The following UBL3 variants were observed in gnomAD, a reference collection of about 807,000 sequenced individuals.
UBL3 encodes ubiquitin-like protein 3.
Under a neutral mutation model 18.4 loss-of-function variants are expected in UBL3, and 6 were observed. The observed-to-expected ratio is 0.33, with a 90% CI of 0.18 to 0.64. UBL3 has a LOEUF of 0.64. Ranked by LOEUF, UBL3 falls within the 30% of genes least tolerant of loss-of-function variation. The pLI is 0.76. For missense variants in UBL3, 109 were observed against 142.9 expected (o/e 0.76, Z 1.21); for synonymous variants, 49 against 46.6 (o/e 1.05, Z -0.21).
In UBL3 at chr13:29,809,545, G is replaced by A. The variant is rs560759583; in HGVS notation, c.28-32282C>T. ...AAAAAGTTTTCAGCAGTGGAGCATG[G>A]TCCAATTTACACTGAAGGTCATCAT... On this transcript the variant is annotated intron_variant, in intron 1 of 4. Coordinates refer to ENST00000380680, the MANE Select transcript of UBL3 (RefSeq NM_007106.4). 2.6e-5 allele frequency among the ~76,000 whole-genome samples: 4 copies of A among 152,208 alleles called. No homozygotes were observed. The East Asian group carries it at 7.7e-4, about 29-fold the overall frequency.
intron 1 of UBL3, among the ~76,000 whole-genome samples, chr13:29,783,326 G>A (rs549362196): frequency 2.2e-4 from 33 of 152,302 alleles, no homozygotes; most frequent in Non-Finnish European, 3.7e-4. Flanking sequence ...CTTTTCAAAC[G>A]GACTAGGTTA....
chr13:29,783,528 C>T (rs575868350), intron 1 of UBL3, among the ~76,000 whole-genome samples: 18 of 152,236 alleles, frequency 1.2e-4, no homozygotes, highest in Non-Finnish European at 1.8e-4. Context: ...AAAGCAATCA[C>T]GCAGATAACT....
At chr13:29,790,505 C>T (rs535277080) in intron 1 of UBL3, among the ~76,000 whole-genome samples, 1 of 152,304 alleles carries the variant, frequency 6.6e-6, no homozygotes, top group South Asian at 2.1e-4. Context: ...ACTTCTTAAA[C>T]GTCTTTCCTC....
At chr13:29,788,872 CGCGCGCGCGCGCACGCGCACGT>C (rs1877403851) in intron 1 of UBL3, among the ~76,000 whole-genome samples, 3 of 120,978 alleles carry the variant, frequency 2.5e-5, no homozygotes, top group South Asian at 2.5e-4. Context: ...TGTGTGTGTG[CGCGCGCGCGCGCACGCGCACGT>C]GTGTGCGTGT....
At chr13:29,824,517 G>C (rs1031243162) in intron 1 of UBL3, among the ~76,000 whole-genome samples, 4 of 152,192 alleles carry the variant, frequency 2.6e-5, no homozygotes, top group Non-Finnish European at 5.9e-5. Context: ...CTTTTGAGAA[G>C]TGTCTGTTCA....
At chr13:29,827,366 C>T (rs1417623383) in intron 1 of UBL3, among the ~76,000 whole-genome samples, 1 of 152,090 alleles carries the variant, frequency 6.6e-6, no homozygotes, top group Non-Finnish European at 1.5e-5. Flanking sequence ...TCTGGGTGCT[C>T]CTATATTGGG....
At chr13:29,843,920 C>G (rs1161037446) in intron 1 of UBL3, among the ~76,000 whole-genome samples, 1 of 152,138 alleles carries the variant, frequency 6.6e-6, no homozygotes, top group Non-Finnish European at 1.5e-5. Flanking sequence ...CTTGTCATCA[C>G]GGATAAGAAC....
chr13:29,847,279 A>C (rs1221955310), intron 1 of UBL3, among the ~76,000 whole-genome samples: 1 of 152,206 alleles, frequency 6.6e-6, no homozygotes, highest in East Asian at 1.9e-4. Context: ...AGAACAATCA[A>C]ACCTGTGCTG....
chr13:29,838,193 T>C (rs937780288), intron 1 of UBL3, among the ~76,000 whole-genome samples: 13 of 152,032 alleles, frequency 8.6e-5, no homozygotes, highest in African/African-American at 3.1e-4. Context: ...CAGGTGATGA[T>C]AAAATAACAT....
chr13:29,802,411 G>A (rs1417580908), intron 1 of UBL3, among the ~76,000 whole-genome samples: 1 of 152,234 alleles, frequency 6.6e-6, no homozygotes, highest in East Asian at 1.9e-4. Context: ...CAAAATGCCA[G>A]CCTGTCTTCT....
intron 1 of UBL3, among the ~76,000 whole-genome samples, chr13:29,810,325 G>C: frequency 6.6e-6 from 1 of 152,070 alleles, no homozygotes; most frequent in Non-Finnish European, 1.5e-5. Context: ...TATTTAGCCT[G>C]GGAACTGATC....
At chr13:29,798,413 A>G (rs1877671531) in intron 1 of UBL3, among the ~76,000 whole-genome samples, 1 of 152,160 alleles carries the variant, frequency 6.6e-6, no homozygotes, top group Non-Finnish European at 1.5e-5. Context: ...TCAGGGGGCC[A>G]TTAGAAAGAA....
At chr13:29,825,425 G>A (rs947883964) in intron 1 of UBL3, among the ~76,000 whole-genome samples, 4 of 152,114 alleles carry the variant, frequency 2.6e-5, no homozygotes, top group Non-Finnish European at 5.9e-5. Flanking sequence ...CACATCCCTT[G>A]TAAGTTGGAT....
At chr13:29,773,865 T>C (rs1182003061) in intron 2 of UBL3, among the ~76,000 whole-genome samples, 1 of 152,182 alleles carries the variant, frequency 6.6e-6, no homozygotes, top group Non-Finnish European at 1.5e-5. Flanking sequence ...CAGAAGGGTA[T>C]GCTAAGGAAA....
chr13:29,842,134 CTTTTTTTTTTTTTT>C (rs201006689), intron 1 of UBL3, among the ~76,000 whole-genome samples: 47 of 127,960 alleles, frequency 3.7e-4, no homozygotes, highest in Admixed American at 3.2e-4. Flanking sequence ...CATTCTCTTT[CTTTTTTTTTTTTTT>C]TTTTTTTTTT....
chr13:29,767,139 T>C lies in UBL3; in HGVS notation c.*116A>G, dbSNP rs1054896199. The stretch of plus-strand genomic sequence containing the variant: ...TGACAGTGTTCATGTGGTAATTCAG[T>C]TCCATGTGTTTACAGGCAGACTGTT... On this transcript the variant is annotated 3_prime_UTR_variant, in exon 5 of 5. Coordinates refer to ENST00000380680, the MANE Select transcript of UBL3 (RefSeq NM_007106.4). 10 of 997,000 alleles carry C rather than the reference T, an allele frequency of 1.0e-5. No homozygotes were observed. In the Middle Eastern group the frequency reaches 1.5e-3, roughly 151 times the overall value. 61.8% of individuals were successfully genotyped at this position (997,000 alleles called of 1,614,324 possible).
chr13:29,781,842 A>G (rs1204685337), intron 1 of UBL3, among the ~76,000 whole-genome samples: 1 of 149,464 alleles, frequency 6.7e-6, no homozygotes, highest in South Asian at 2.1e-4. Flanking sequence ...AAAAAAAAAA[A>G]AAAAAAAAAG....
intron 1 of UBL3, among the ~76,000 whole-genome samples, chr13:29,795,761 A>G (rs1375383520): frequency 6.7e-6 from 1 of 148,906 alleles, no homozygotes; most frequent in Non-Finnish European, 1.5e-5. Flanking sequence ...CTCAGAAAAA[A>G]AAAAAAAAAA....
intron 1 of UBL3, chr13:29,779,318 T>TA: frequency 2.4e-6 from 1 of 424,166 alleles, no homozygotes; most frequent in South Asian, 1.9e-5. Context: ...TTATACGGAA[T>TA]ATTTAAGGTT....
Sources: allele counts gnomAD v4.1 joint callset (sites outside exome capture counted in the v4.1 genomes callset), GRCh38; gene constraint gnomAD v4.1.1; transcripts MANE v1.5; gene names NCBI Gene and HGNC (gene_info 2026-07-23, HGNC 2026-07-21).